The following INPP5D variants were observed in gnomAD, a reference collection of about 807,000 sequenced individuals.
INPP5D encodes the protein inositol polyphosphate-5-phosphatase D, also known as phosphatidylinositol 3,4,5-trisphosphate 5-phosphatase 1.
A neutral mutation model predicts 122.9 loss-of-function variants in INPP5D; 33 were observed. That is an observed-to-expected ratio of 0.27 (90% CI 0.20 to 0.36). The LOEUF is 0.36. INPP5D is among the 10% of genes least tolerant of loss of function. The probability of loss-of-function intolerance (pLI) is 1.00; values close to 1 mark genes in which losing one functional copy is unlikely to be tolerated. For synonymous variants in INPP5D, 584 were observed against 576.2 expected, an observed-to-expected ratio of 1.01 and a Z score of -0.19; for missense variants, 1,053 against 1,412.7, an observed-to-expected ratio of 0.75 and a Z score of 4.08.
intron 2 of INPP5D, among the ~76,000 whole-genome samples, chr2:233,081,091 G>C (rs935075228): frequency 6.6e-6 from 1 of 152,218 alleles, no homozygotes; most frequent in Non-Finnish European, 1.5e-5. Context: ...CCGCAGGTTT[G>C]GCCTGGTTCT....
rs968053831 is a variant in INPP5D, at chr2:233,060,513, G to A, written c.35G>A (p.Arg12His). 10 of 1,612,954 alleles carry A rather than the reference G, an allele frequency of 6.2e-6. No homozygotes were observed. The highest frequency in any genetic ancestry group is 4.2e-6 in the Non-Finnish European group (5 of 1,179,430). ...VPCWNHGNIT[R>H]SKAEELLSRT... ...TGCTGGAACCATGGCAACATCACCC[G>A]CTCCAAGGCGGAGGAGCTGCTTTCC... Residue 12 changes from arginine (R) to histidine (H), a missense_variant, in exon 1 of 27, where the codon CGC becomes CAC. By Grantham distance (29) the Arg-to-His change is conservative (BLOSUM62 0). Coordinates refer to ENST00000445964, the MANE Select transcript of INPP5D (RefSeq NM_001017915.3).
At position 233,170,779 on chromosome 2, in the gene INPP5D, G is replaced by A. The variant is rs1014202732; in HGVS notation, c.1900+175G>A. 4.6e-5 allele frequency among the ~76,000 whole-genome samples: 7 copies of A among 151,876 alleles called. No individual in the cohort carries two copies. Among genetic ancestry groups the A allele is most frequent in the Non-Finnish European group, 7.4e-5 (5 of 67,982 alleles). ...AAATTAGCCGGGTGTGGTGGCGGGT[G>A]CCTGTAGTCCCAGCTACTTGGGAGG... On this transcript the variant is annotated intron_variant, in intron 16 of 26. Transcript: ENST00000445964. The surrounding 1 kb of genome is among the most constrained non-coding windows in gnomAD (Gnocchi z 4.5).
At chr2:233,135,225 C>T (rs1693436523) in intron 5 of INPP5D, among the ~76,000 whole-genome samples, 2 of 149,768 alleles carry the variant, frequency 1.3e-5, no homozygotes, top group Admixed American at 6.6e-5. Context: ...GAGACAGCAT[C>T]TCACTCTGTC....
intron 13 of INPP5D, among the ~76,000 whole-genome samples, chr2:233,168,155 G>T (rs192499141): frequency 5.6e-4 from 85 of 151,772 alleles, no homozygotes; most frequent in Admixed American, 3.0e-3. Context: ...ACATTAAAAA[G>T]AAAACAAGTG....
intron 9 of INPP5D, 27 bp from the exon 10 acceptor site, chr2:233,158,286 G>T (rs531932301): frequency 2.9e-6 from 2 of 694,694 alleles, no homozygotes; most frequent in Admixed American, 4.1e-5. Flanking sequence ...GTGGATGAAT[G>T]AATTAATGAA....
intron 2 of INPP5D, among the ~76,000 whole-genome samples, chr2:233,110,987 T>C (rs1053860462): frequency 6.6e-6 from 1 of 151,838 alleles, no homozygotes; most frequent in Admixed American, 6.6e-5. Flanking sequence ...AAAAAGATAA[T>C]TTGACTTATA....
chr2:233,178,841 C>T (rs1316169973), intron 18 of INPP5D, among the ~76,000 whole-genome samples: 1 of 152,146 alleles, frequency 6.6e-6, no homozygotes, highest in Non-Finnish European at 1.5e-5. Flanking sequence ...TAAAGGATGG[C>T]CACCCCAGTC....
At chr2:233,119,967 C>T (rs770433994) in intron 2 of INPP5D, among the ~76,000 whole-genome samples, 28 of 152,338 alleles carry the variant, frequency 1.8e-4, no homozygotes, top group Non-Finnish European at 3.1e-4. Context: ...GACTTGGAGG[C>T]GGAAAGGCCA....
At chr2:233,174,274 A>C (rs1037102347) in intron 17 of INPP5D, among the ~76,000 whole-genome samples, 5 of 152,396 alleles carry the variant, frequency 3.3e-5, no homozygotes, top group African/African-American at 1.2e-4. Context: ...CTGGCAGTGC[A>C]GTGGGCTGGT....
intron 1 of INPP5D, among the ~76,000 whole-genome samples, chr2:233,077,717 A>G (rs529534495): frequency 4.1e-5 from 6 of 147,094 alleles, no homozygotes; most frequent in Middle Eastern, 3.5e-3. Context: ...AAAATTAGCC[A>G]AGTGTGATGG....
At chr2:233,190,565 A>AC (rs11373662) in intron 22 of INPP5D, among the ~76,000 whole-genome samples, 150,282 of 152,358 alleles carry the variant, frequency 0.99, 74,127 homozygotes, top group East Asian at 1. Context: ...TGCTGGAAAC[A>AC]CAGCTCAGGG....
At chr2:233,114,217 C>T (rs939453428) in intron 2 of INPP5D, among the ~76,000 whole-genome samples, 1 of 152,202 alleles carries the variant, frequency 6.6e-6, no homozygotes, top group East Asian at 1.9e-4. Context: ...CAGCTCCAAA[C>T]CACTCTTAAG....
At chr2:233,199,078 C>T (rs962720452) in intron 25 of INPP5D, among the ~76,000 whole-genome samples, 7 of 151,758 alleles carry the variant, frequency 4.6e-5, no homozygotes, top group African/African-American at 1.5e-4. Context: ...GGTGAAACCC[C>T]GTCTCTACTG....
chr2:233,146,074 G>A (rs1034204820), intron 6 of INPP5D, 88 bp from the exon 7 acceptor site: 3 of 703,834 alleles, frequency 4.3e-6, no homozygotes, highest in Admixed American at 2.0e-5. Flanking sequence ...GCTGGAATGG[G>A]GTGAGGTGCA....
chr2:233,092,760 T>C (rs181251023), intron 2 of INPP5D, among the ~76,000 whole-genome samples: 1 of 152,242 alleles, frequency 6.6e-6, no homozygotes, highest in East Asian at 1.9e-4. Context: ...CCCAACAGCA[T>C]CCCTTTATCC....
intron 13 of INPP5D, among the ~76,000 whole-genome samples, chr2:233,166,598 C>T (rs924223050): frequency 1.4e-5 from 2 of 146,664 alleles, no homozygotes; most frequent in Admixed American, 7.1e-5. Flanking sequence ...CCTTCCCCTC[C>T]TTCCCCTCCT....
intron 2 of INPP5D, among the ~76,000 whole-genome samples, chr2:233,087,076 T>C (rs1222703809): frequency 6.6e-6 from 1 of 152,230 alleles, no homozygotes; most frequent in Non-Finnish European, 1.5e-5. Flanking sequence ...TCTTGCTTAT[T>C]GCAGGATGGT....
rs1014493107 is a variant in INPP5D, at chr2:233,199,346, C to T, written c.2975+970C>T. ...AGGTTGCAGTGAGCCAAGATTGCAC[C>T]ACTGCACCCCAGCCTGGGCGACAGA... On this transcript the variant is annotated intron_variant, in intron 25 of 26. Coordinates refer to ENST00000445964, the MANE Select transcript of INPP5D (RefSeq NM_001017915.3). 1.6e-4 allele frequency among the ~76,000 whole-genome samples: 23 copies of T among 140,048 alleles called. 1 individual carries two copies. The highest frequency in any genetic ancestry group is 5.9e-4 in the African/African-American group (23 of 38,840). The allele number at this position is 140,048 out of a possible 152,430, so 91.9% of individuals were successfully genotyped here.
chr2:233,202,608 T>A (rs1695368718), intron 25 of INPP5D, among the ~76,000 whole-genome samples: 1 of 152,180 alleles, frequency 6.6e-6, no homozygotes, highest in Non-Finnish European at 1.5e-5. Context: ...ATCCCATCAG[T>A]AACAGGCGCA....
Sources: allele counts gnomAD v4.1 joint callset (sites outside exome capture counted in the v4.1 genomes callset), GRCh38; gene constraint gnomAD v4.1.1; non-coding constraint Gnocchi (gnomAD v3.1); transcripts MANE v1.5; gene names NCBI Gene and HGNC (gene_info 2026-07-23, HGNC 2026-07-21).